Variants in IKZF1 observed in about 807,000 individuals in gnomAD.
The protein encoded by IKZF1 is IKAROS family zinc finger 1.
IKZF1 carries 10 observed loss-of-function variants against 51.7 expected under a neutral mutation model. That is an observed-to-expected ratio of 0.19 (90% CI 0.12 to 0.33). The LOEUF (loss-of-function observed/expected upper bound fraction) is 0.33. Among genes scored for constraint, IKZF1 ranks in the 10% least tolerant of loss-of-function variants. IKZF1 has a pLI of 1.00. For missense variants in IKZF1, 484 were observed against 707.5 expected (o/e 0.68, Z 3.58); for synonymous variants, 280 against 282.3 (o/e 0.99, Z 0.08).
At position 50,403,605 on chromosome 7, in the gene IKZF1, A is replaced by G. The variant is rs1268866852; in HGVS notation, c.*2978A>G. ...CTGTAATTTGTACCTAAAGAGTGTG[A>G]TTATCCTAATTCAAGAGTCACTAAA... On this transcript the variant is annotated 3_prime_UTR_variant, in exon 8 of 8. Transcript: ENST00000331340. 3 of 228,566 alleles carry G rather than the reference A, an allele frequency of 1.3e-5. No individual in the cohort carries two copies. Among genetic ancestry groups the G allele is most frequent in the Non-Finnish European group, 2.6e-5 (3 of 115,210 alleles). The allele number at this position is 228,566 out of a possible 1,614,324, so 14.2% of individuals were successfully genotyped here.
At chr7:50,396,103 T>A (rs547080129) in intron 7 of IKZF1, among the ~76,000 whole-genome samples, 1 of 152,278 alleles carries the variant, frequency 6.6e-6, no homozygotes, top group Non-Finnish European at 1.5e-5. Flanking sequence ...GAGTCCCTTT[T>A]TTTTCTCTTT....
intron 2 of IKZF1, among the ~76,000 whole-genome samples, chr7:50,323,416 T>C (rs1347350725): frequency 6.6e-6 from 1 of 152,242 alleles, no homozygotes; most frequent in African/African-American, 2.4e-5. Flanking sequence ...TAATAAAACC[T>C]CATGCATTTA....
At chr7:50,321,348 G>T (rs1282017427) in intron 2 of IKZF1, among the ~76,000 whole-genome samples, 3 of 152,196 alleles carry the variant, frequency 2.0e-5, no homozygotes. Flanking sequence ...CTCTCATTTG[G>T]CTTCGCCAGC....
chr7:50,375,317 G>A (rs1180906605), intron 3 of IKZF1, among the ~76,000 whole-genome samples: 2 of 152,114 alleles, frequency 1.3e-5, no homozygotes, highest in Admixed American at 6.5e-5. Context: ...ACAACTACTG[G>A]GGAGGCTGAG....
intron 1 of IKZF1, among the ~76,000 whole-genome samples, chr7:50,312,063 A>G (rs755979697): frequency 4.6e-5 from 7 of 152,122 alleles, no homozygotes; most frequent in Non-Finnish European, 8.8e-5. Flanking sequence ...TGCACTTCAT[A>G]TTGCTGCACA....
chr7:50,382,358 A>T (rs1241362654), intron 4 of IKZF1, among the ~76,000 whole-genome samples, 182 bp from the exon 5 acceptor site: 1 of 152,256 alleles, frequency 6.6e-6, no homozygotes, highest in African/African-American at 2.4e-5. Context: ...TTTTCAGATC[A>T]AATTGACCCA....
intron 3 of IKZF1, among the ~76,000 whole-genome samples, chr7:50,330,344 G>T (rs879416158): frequency 6.6e-6 from 1 of 152,206 alleles, no homozygotes; most frequent in Non-Finnish European, 1.5e-5. Context: ...GCCATGTGAC[G>T]TGGGCACTGA....
rs2153522970 is a variant in IKZF1, at chr7:50,404,242, C to T, written c.*3615C>T. The T allele has an allele frequency of 9.1e-6, 2 of 218,626 alleles. 1 individual carries two copies. Among genetic ancestry groups the T allele is most frequent in the Admixed American group, 1.2e-4 (2 of 17,262 alleles). The allele number at this position is 218,626 out of a possible 1,614,324, so 13.5% of individuals were successfully genotyped here. On this transcript the variant is annotated 3_prime_UTR_variant, in exon 8 of 8. Coordinates refer to ENST00000331340, the MANE Select transcript of IKZF1 (RefSeq NM_006060.6). ...AGTACAGCTTTAGGTCTTCAGCTGC[C>T]CTTCTGGCGAGTACATGCACAGGAT...
chr7:50,359,511 C>T (rs1804585447), intron 3 of IKZF1, among the ~76,000 whole-genome samples: 1 of 152,210 alleles, frequency 6.6e-6, no homozygotes, highest in South Asian at 2.1e-4. Context: ...TATTTGGCCG[C>T]ACCACTGTCC....
Position 50,402,124 on chromosome 7 carries a change from C to G in IKZF1, c.*1497C>G, listed in dbSNP as rs1818236226. On this transcript the variant is annotated 3_prime_UTR_variant, in exon 8 of 8. Transcript: ENST00000331340. ...GTGTGGAGATTCTAATCCCAACAAG[C>G]AAGGGTCTCCTTCAAGATTAATGCT... 1 of 230,620 alleles carries G rather than the reference C, an allele frequency of 4.3e-6. No homozygotes were observed. Among genetic ancestry groups the G allele is most frequent in the South Asian group, 1.8e-4 (1 of 5,506 alleles). The allele number at this position is 230,620 out of a possible 1,614,324, so 14.3% of individuals were successfully genotyped here. A position where few individuals can be genotyped will look rare whatever the true frequency, so the allele number is the denominator to read the frequency against.
intron 3 of IKZF1, among the ~76,000 whole-genome samples, chr7:50,332,554 A>C (rs1345481448): frequency 6.6e-6 from 1 of 152,194 alleles, no homozygotes; most frequent in Non-Finnish European, 1.5e-5. Context: ...GCCACCCCTG[A>C]GAAAGAGGAC....
At chr7:50,323,002 T>C (rs1453078376) in intron 2 of IKZF1, among the ~76,000 whole-genome samples, 1 of 152,212 alleles carries the variant, frequency 6.6e-6, no homozygotes, top group African/African-American at 2.4e-5. Context: ...AAACTGTATA[T>C]ATCTAAAGGA....
Position 50,311,526 on chromosome 7 carries a change from G to A in IKZF1, c.-15+6604G>A, listed in dbSNP as rs1790178652. On this transcript the variant is annotated intron_variant, in intron 1 of 7. Coordinates refer to ENST00000331340, the MANE Select transcript of IKZF1 (RefSeq NM_006060.6). ...ATACACGTATGGGTTCATAAACAAT[G>A]GGATGTTCTTGTGAAGATCTAAATA... Among the ~76,000 whole-genome samples the A allele has an allele frequency of 3.9e-5, 6 of 152,140 alleles. 1 individual carries two copies. The South Asian group carries it at 1.2e-3, about 31-fold the overall frequency.
chr7:50,389,679 C>T (rs1318152760), intron 6 of IKZF1, among the ~76,000 whole-genome samples: 1 of 152,162 alleles, frequency 6.6e-6, no homozygotes, highest in African/African-American at 2.4e-5. Context: ...GCACCTGGCC[C>T]TTGTAGGTGC....
chr7:50,316,067 A>G (rs184055067), intron 1 of IKZF1, among the ~76,000 whole-genome samples: 4 of 152,252 alleles, frequency 2.6e-5, no homozygotes, highest in African/African-American at 9.6e-5. Flanking sequence ...TTTCTCTGGA[A>G]GCAAAGCCAC....
At chr7:50,361,674 G>T (rs756402499) in intron 3 of IKZF1, among the ~76,000 whole-genome samples, 1 of 152,132 alleles carries the variant, frequency 6.6e-6, no homozygotes, top group Non-Finnish European at 1.5e-5. Flanking sequence ...TCAAGAGATC[G>T]AGACCATCCT....
rs553963219 is a variant in IKZF1 at position 50,310,159 on chromosome 7, G to A, written c.-15+5237G>A. On this transcript the variant is annotated intron_variant, in intron 1 of 7. Transcript: ENST00000331340. ...CAATTAATTATCATTTTAAAAGTTG[G>A]TAGGAAGTTGTGAGTACTTTTGCAG... Among the ~76,000 whole-genome samples the A allele has an allele frequency of 2.6e-5, 4 of 152,296 alleles. No individual in the cohort carries two copies. In the South Asian group the frequency reaches 6.2e-4, roughly 24 times the overall value.
chr7:50,336,924 A>G (rs1320431685), intron 3 of IKZF1, among the ~76,000 whole-genome samples: 1 of 152,176 alleles, frequency 6.6e-6, no homozygotes, highest in East Asian at 1.9e-4. Flanking sequence ...AATGCCTTTA[A>G]TTGTCTAAGA....
At chr7:50,360,466 T>A (rs1157119572) in intron 3 of IKZF1, among the ~76,000 whole-genome samples, 1 of 152,206 alleles carries the variant, frequency 6.6e-6, no homozygotes, top group Non-Finnish European at 1.5e-5. Context: ...CAAGAACGTG[T>A]GAAATGCACA....
Sources: allele counts gnomAD v4.1 joint callset (sites outside exome capture counted in the v4.1 genomes callset), GRCh38; gene constraint gnomAD v4.1.1; transcripts MANE v1.5; gene names NCBI Gene and HGNC (gene_info 2026-07-23, HGNC 2026-07-21).